Variants in ZNF268 observed in about 807,000 individuals in gnomAD.
ZNF268 encodes the protein zinc finger protein 3.
ZNF268 carries 20 observed loss-of-function variants against 29.3 expected under a neutral mutation model. The observed-to-expected ratio is 0.68, with a 90% CI of 0.48 to 0.99. The LOEUF (loss-of-function observed/expected upper bound fraction) is 0.99, where lower values mean the gene tolerates loss of function less well. Among genes scored for constraint, ZNF268 ranks in the 50% least tolerant of loss-of-function variants. ZNF268 has a pLI of 0.00. For synonymous variants in ZNF268, 429 were observed against 376.9 expected (o/e 1.14, Z -1.60); for missense variants, 1,240 against 1,121.6 (o/e 1.11, Z -1.51).
intron 2 of ZNF268, among the ~76,000 whole-genome samples, chr12:133,185,076 C>G (rs939777586): frequency 1.3e-5 from 2 of 150,756 alleles, no homozygotes; most frequent in Non-Finnish European, 2.9e-5. Flanking sequence ...CCCAGCTACA[C>G]GGGAGGCTGA....
chr12:133,196,604 A>G (rs1190701225), intron 5 of ZNF268, among the ~76,000 whole-genome samples: 1 of 152,220 alleles, frequency 6.6e-6, no homozygotes, highest in Non-Finnish European at 1.5e-5. Context: ...TCCATGAACT[A>G]TGAAAGTCTA....
At chr12:133,191,855 C>G (rs1394335568) in intron 4 of ZNF268, 53 bp from the exon 5 acceptor site, 1 of 1,584,608 alleles carries the variant, frequency 6.3e-7, no homozygotes, top group Admixed American at 1.7e-5. Flanking sequence ...TCTTCAGAAT[C>G]TCTGAATCTC....
rs778263126 is a variant in ZNF268, at chr12:133,186,384, C to CT, written c.34-1473dup. 9.9e-3 allele frequency among the ~76,000 whole-genome samples: 1,399 copies of CT among 141,184 alleles called. 9 individuals carry two copies. Among genetic ancestry groups the CT allele is most frequent in the African/African-American group, 0.027 (1,025 of 38,678 alleles). The allele number at this position is 141,184 out of a possible 152,430, so 92.6% of individuals were successfully genotyped here. On this transcript the variant is annotated intron_variant, in intron 2 of 5. Coordinates refer to ENST00000536435, the MANE Select transcript of ZNF268 (RefSeq NM_003415.3). Reference sequence around the variant, plus strand: ...AAGCTGTTGGTCTCCAGGGAATAATCTTTTTTTTTTTTTTTGGAGATGGAG... The same window carrying CT: ...AAGCTGTTGGTCTCCAGGGAATAATCTTTTTTTTTTTTTTTTGGAGATGGAG...
chr12:133,191,329 AAAAG>A (rs1447259700), intron 3 of ZNF268, 156 bp from the exon 4 acceptor site: 38 of 801,734 alleles, frequency 4.7e-5, no homozygotes, highest in Middle Eastern at 3.7e-4. Context: ...CAAAAAAAAA[AAAAG>A]AAAGAAAGAT....
Position 133,203,960 on chromosome 12 carries a change from G to GA in ZNF268, c.2277dup (p.Ala760SerfsTer3), listed in dbSNP as rs772107792. 9.4e-6 allele frequency: 15 copies of GA among 1,593,762 alleles called. No homozygotes were observed. In the African/African-American group the frequency reaches 1.9e-4, roughly 20 times the overall value. On this transcript the variant is annotated frameshift_variant, in exon 6 of 6. Coordinates refer to ENST00000536435, the MANE Select transcript of ZNF268 (RefSeq NM_003415.3). LOFTEE classifies it low-confidence loss of function (END_TRUNC). ...ATCCCTATGAATGCAGTGAATGTGG[G>GA]AAAGCCTTTAATAGGAAAGACCAGC...
chr12:133,184,148 C>T (rs543892178), intron 2 of ZNF268, among the ~76,000 whole-genome samples: 92 of 152,234 alleles, frequency 6.0e-4, no homozygotes, highest in African/African-American at 2.0e-3. Context: ...TCTCTGTCCC[C>T]AGGCTGGAGT....
rs543187030 is a variant in ZNF268 at position 133,194,415 on chromosome 12, C to T, written c.457+2412C>T. Among the ~76,000 whole-genome samples, 8 of 152,326 alleles carry T rather than the reference C, an allele frequency of 5.3e-5. No homozygotes were observed. In the East Asian group the frequency reaches 1.3e-3, roughly 26 times the overall value. On this transcript the variant is annotated intron_variant, in intron 5 of 5. Transcript: ENST00000536435. Reference sequence around the variant, plus strand: ...CCAAGGGCCCATCTAGGTATGTTGACATTTTCCTTAGGTTACCTTCTTTAA... The same window carrying T: ...CCAAGGGCCCATCTAGGTATGTTGATATTTTCCTTAGGTTACCTTCTTTAA...
rs914774694 is a variant in ZNF268 at position 133,208,495 on chromosome 12, CA to C, written c.*3973del. 5.3e-5 allele frequency: 8 copies of C among 151,164 alleles called. No individual in the cohort carries two copies. Among genetic ancestry groups the C allele is most frequent in the Admixed American group, 4.0e-4 (6 of 15,178 alleles). 9.4% of individuals were successfully genotyped at this position (151,164 alleles called of 1,614,324 possible). A position where few individuals can be genotyped will look rare whatever the true frequency, so the allele number is the denominator to read the frequency against. ...TGGGCGACAGAACAAGCCTCCATCT[CA>C]AAAAAAAGATCAGCCAGGTGTAGTG... On this transcript the variant is annotated 3_prime_UTR_variant, in exon 6 of 6. Transcript: ENST00000536435.
chr12:133,197,666 T>G (rs553229593), intron 5 of ZNF268, among the ~76,000 whole-genome samples: 1 of 152,312 alleles, frequency 6.6e-6, no homozygotes, highest in South Asian at 2.1e-4. Flanking sequence ...AGTGTAAAGG[T>G]GTTCCTGTTT....
intron 2 of ZNF268, among the ~76,000 whole-genome samples, chr12:133,182,568 G>A (rs2135478608): frequency 6.6e-6 from 1 of 152,226 alleles, no homozygotes; most frequent in Admixed American, 6.5e-5. Context: ...GAGACATGCA[G>A]GAATGGGTCA....
chr12:133,192,091 C>T (rs931139007), intron 5 of ZNF268, 88 bp downstream of exon 5: 46 of 1,023,136 alleles, frequency 4.5e-5, no homozygotes, highest in African/African-American at 3.3e-4. Context: ...TACTTTGCCT[C>T]GTGTATTACC....
At position 133,202,951 on chromosome 12, in the gene ZNF268, A is replaced by G; in HGVS notation, c.1265A>G (p.Gln422Arg). The change falls in exon 6 of 6, where the codon CAG becomes CGG. Residue 422 changes from glutamine (Q) to arginine (R), a missense_variant. By Grantham distance (43) the Gln-to-Arg change is conservative. Around this residue, in one of 3 missense-constraint regions of ZNF268, gnomAD observed 1,177 missense variants for 1,039.6 expected, o/e 1.13. Transcript: ENST00000536435. The stretch of plus-strand genomic sequence containing the variant: ...AAACCATATGAATGCAATGAATGTC[A>G]GAAAGCCTTTAATACAAAGTCAAAC... Reference protein sequence around the residue: ...GEKPYECNECQKAFNTKSNLM... With the variant: ...GEKPYECNECRKAFNTKSNLM... The G allele has an allele frequency of 3.2e-6, 5 of 1,545,728 alleles. No individual in the cohort carries two copies. The highest frequency in any genetic ancestry group is 2.4e-5 in the South Asian group (2 of 84,660).
Position 133,210,742 on chromosome 12 carries a change from C to T in ZNF268, c.*6212C>T, listed in dbSNP as rs530869482. 8.5e-5 allele frequency: 37 copies of T among 437,108 alleles called. No homozygotes were observed. The East Asian group carries it at 1.9e-3, about 23-fold the overall frequency. The allele number at this position is 437,108 out of a possible 1,614,324, so 27.1% of individuals were successfully genotyped here. On this transcript the variant is annotated 3_prime_UTR_variant, in exon 6 of 6. Transcript: ENST00000536435. ...GGTCAGTCCTGAGGAGAAGGCAGCT[C>T]AGTCTTTACTGTGATGCAGCCTCTA... is the stretch of plus-strand genomic sequence containing the variant.
chr12:133,202,787 A>C lies in ZNF268; in HGVS notation c.1101A>C (p.Lys367Asn). 1 of 1,609,744 alleles carries C rather than the reference A, an allele frequency of 6.2e-7. No individual in the cohort carries two copies. Among genetic ancestry groups the C allele is most frequent in the Non-Finnish European group, 8.5e-7 (1 of 1,179,086 alleles). Residue 367 changes from lysine to asparagine, a missense_variant, in exon 6 of 6, where the codon AAA (lysine) becomes AAC (asparagine). Coordinates refer to ENST00000536435, the MANE Select transcript of ZNF268 (RefSeq NM_003415.3). The stretch of plus-strand genomic sequence containing the variant: ...CCTATGAGTGCTGTGAATGTGGGAA[A>C]GTCTTCAGTAGGAAAGACCAGCTTG... Reference protein sequence around the residue: ...ENPYECCECGKVFSRKDQLVS... With the variant: ...ENPYECCECGNVFSRKDQLVS...
Position 133,202,823 on chromosome 12 carries a change from G to C in ZNF268, c.1137G>C (p.Gln379His), listed in dbSNP as rs767221651. 6 of 1,601,362 alleles carry C rather than the reference G, an allele frequency of 3.7e-6. No homozygotes were observed. The South Asian group carries it at 6.7e-5, about 18-fold the overall frequency. The change falls in exon 6 of 6, where the codon CAG becomes CAC. Residue 379 changes from glutamine to histidine, a missense_variant. Transcript: ENST00000536435. ...GGAAAGACCAGCTTGTTTCACACCAGAAAACTCATTCAGGACAGAAACCAT... is the reference window on the plus strand; with the variant it reads ...GGAAAGACCAGCTTGTTTCACACCACAAAACTCATTCAGGACAGAAACCAT... ...FSRKDQLVSHQKTHSGQKPYV... is the reference protein window; with the variant it reads ...FSRKDQLVSHHKTHSGQKPYV...
At chr12:133,189,864 G>A (rs934851855) in intron 3 of ZNF268, among the ~76,000 whole-genome samples, 1 of 152,180 alleles carries the variant, frequency 6.6e-6, no homozygotes, top group Non-Finnish European at 1.5e-5. Flanking sequence ...CTGGAGCACA[G>A]TGGCACGACC....
At chr12:133,199,388 A>C (rs1351888854) in intron 5 of ZNF268, among the ~76,000 whole-genome samples, 1 of 151,282 alleles carries the variant, frequency 6.6e-6, no homozygotes, top group African/African-American at 2.4e-5. Context: ...GATGAAGCCC[A>C]CTTGATCATG....
rs1337853718 is a variant in ZNF268, at chr12:133,202,524, T to C, written c.838T>C (p.Cys280Arg). 3 of 1,612,240 alleles carry C rather than the reference T, an allele frequency of 1.9e-6. No homozygotes were observed. The highest frequency in any genetic ancestry group is 1.7e-6 in the Non-Finnish European group (2 of 1,179,098). ...GGGCGAAAAACCCTTTGGATGCAGCTGTTGTGAGAAAGCCTTCAGCAGCAA... is the reference window on the plus strand; with the variant it reads ...GGGCGAAAAACCCTTTGGATGCAGCCGTTGTGAGAAAGCCTTCAGCAGCAA... ...YMGEKPFGCS[C>R]CEKAFSSKSY... Residue 280 changes from cysteine (C) to arginine (R), a missense_variant, in exon 6 of 6, where the codon TGT (cysteine) becomes CGT (arginine). Cys to Arg is a radical substitution (Grantham distance 180). Coordinates refer to ENST00000536435, the MANE Select transcript of ZNF268 (RefSeq NM_003415.3).
intron 3 of ZNF268, among the ~76,000 whole-genome samples, chr12:133,190,976 G>A (rs1956453248): frequency 6.6e-6 from 1 of 152,048 alleles, no homozygotes; most frequent in South Asian, 2.1e-4. Context: ...AGTACTGAAG[G>A]TCCCATATCT....
Sources: allele counts gnomAD v4.1 joint callset (sites outside exome capture counted in the v4.1 genomes callset), GRCh38; gene constraint gnomAD v4.1.1; regional missense constraint gnomAD v4.1.1; transcripts MANE v1.5; gene names NCBI Gene and HGNC (gene_info 2026-07-23, HGNC 2026-07-21).